Variants in CDK14 observed in about 807,000 individuals in gnomAD.
CDK14 encodes the protein cyclin dependent kinase 14, also known as cyclin-dependent kinase 14.
A neutral mutation model predicts 60.7 loss-of-function variants in CDK14; 34 were observed. The ratio of observed to expected loss-of-function variants is 0.56; its 90% CI spans 0.43 to 0.75. CDK14 has a LOEUF of 0.75. CDK14 is among the 30% of genes least tolerant of loss of function. The pLI is 0.00. For missense variants in CDK14, 482 were observed against 564.1 expected, an observed-to-expected ratio of 0.85 and a Z score of 1.47; for synonymous variants, 197 against 203.7, an observed-to-expected ratio of 0.97 and a Z score of 0.28.
chr7:90,633,621 T>C (rs984878826), intron 2 of CDK14, among the ~76,000 whole-genome samples: 6 of 152,336 alleles, frequency 3.9e-5, no homozygotes, highest in African/African-American at 1.4e-4. Context: ...AGCTGTTCAG[T>C]GTTCCTTGAG....
At chr7:90,785,282 A>G (rs544669074) in intron 4 of CDK14, among the ~76,000 whole-genome samples, 18 of 152,212 alleles carry the variant, frequency 1.2e-4, no homozygotes, top group Non-Finnish European at 2.4e-4. Flanking sequence ...GACACAGATA[A>G]TATTTGTAAT....
At chr7:91,105,026 TCTA>T (rs1403242844) in intron 12 of CDK14, among the ~76,000 whole-genome samples, 5 of 152,310 alleles carry the variant, frequency 3.3e-5, no homozygotes, top group Admixed American at 6.5e-5. Flanking sequence ...AAATATCTCT[TCTA>T]CTACTCCTAG....
At chr7:91,138,407 G>T (rs1053413932) in intron 14 of CDK14, among the ~76,000 whole-genome samples, 2 of 152,110 alleles carry the variant, frequency 1.3e-5, no homozygotes, top group African/African-American at 4.8e-5. Flanking sequence ...GGTGAAAAGG[G>T]ACACACACCT....
intron 14 of CDK14, among the ~76,000 whole-genome samples, chr7:91,187,550 T>C (rs1434046724): frequency 1.3e-5 from 2 of 152,212 alleles, no homozygotes; most frequent in Non-Finnish European, 2.9e-5. Context: ...CATCGTTGTC[T>C]AGGGTAAATA....
At chr7:91,182,300 A>G (rs1016394806) in intron 14 of CDK14, among the ~76,000 whole-genome samples, 1 of 152,122 alleles carries the variant, frequency 6.6e-6, no homozygotes, top group African/African-American at 2.4e-5. Context: ...GTATAGTACC[A>G]TAGTCAAATT....
intron 12 of CDK14, among the ~76,000 whole-genome samples, chr7:91,112,208 A>T (rs931941880): frequency 1.3e-5 from 2 of 152,152 alleles, no homozygotes; most frequent in African/African-American, 4.8e-5. Flanking sequence ...TATAGTACAT[A>T]GATTCTATTA....
At chr7:90,926,240 C>T (rs1345892616) in intron 8 of CDK14, among the ~76,000 whole-genome samples, 1 of 152,070 alleles carries the variant, frequency 6.6e-6, no homozygotes, top group Admixed American at 6.5e-5. Context: ...ACCTGTGTCA[C>T]CTGATCACTG....
intron 2 of CDK14, among the ~76,000 whole-genome samples, chr7:90,625,890 C>G (rs1393937013): frequency 6.6e-6 from 1 of 152,216 alleles, no homozygotes; most frequent in African/African-American, 2.4e-5. Context: ...CACCATTTTC[C>G]ATTATTGGAG....
At chr7:90,873,563 G>A (rs1791447856) in intron 6 of CDK14, among the ~76,000 whole-genome samples, 1 of 152,068 alleles carries the variant, frequency 6.6e-6, no homozygotes, top group East Asian at 1.9e-4. Context: ...TTTGGTAAAG[G>A]AATATTAGGC....
At chr7:90,852,769 A>T (rs974687777) in intron 5 of CDK14, among the ~76,000 whole-genome samples, 13 of 152,190 alleles carry the variant, frequency 8.5e-5, no homozygotes, top group Admixed American at 5.2e-4. Context: ...GAGCTCGCTC[A>T]GGGCTGAGGT....
At chr7:90,627,687 A>C (rs1799906009) in intron 2 of CDK14, among the ~76,000 whole-genome samples, 1 of 152,086 alleles carries the variant, frequency 6.6e-6, no homozygotes, top group Non-Finnish European at 1.5e-5. Flanking sequence ...TAATTGTGGG[A>C]TTAATGATCT....
At chr7:91,035,018 C>A (rs1204987807) in intron 10 of CDK14, among the ~76,000 whole-genome samples, 1 of 151,192 alleles carries the variant, frequency 6.6e-6, no homozygotes, top group Non-Finnish European at 1.5e-5. Flanking sequence ...ATTCTGTTAG[C>A]CATGTGATTG....
chr7:91,002,526 T>C (rs1024616414), intron 10 of CDK14, among the ~76,000 whole-genome samples: 1 of 152,250 alleles, frequency 6.6e-6, no homozygotes, highest in African/African-American at 2.4e-5. Flanking sequence ...TAGTATGAAC[T>C]GCCTTTTACT....
At position 90,726,640 on chromosome 7, in the gene CDK14, C is replaced by T; in HGVS notation, c.197C>T (p.Pro66Leu). The part of the protein sequence containing the change: ...DSVIKPLDTI[P>L]EDKKVRVQRT... ...GTGATCAAACCCCTGGACACAATTCCTGAGGATAAAAAAGTCAGAGTTCAG... is the reference window on the plus strand; with the variant it reads ...GTGATCAAACCCCTGGACACAATTCTTGAGGATAAAAAAGTCAGAGTTCAG... Residue 66 changes from proline (P) to leucine (L), a missense_variant, in exon 3 of 15, where the codon CCT becomes CTT. Physicochemically the swap from Pro to Leu is moderately conservative, Grantham distance 98. Coordinates refer to ENST00000380050, the MANE Select transcript of CDK14 (RefSeq NM_001287135.2). 1 of 1,613,776 alleles carries T rather than the reference C, an allele frequency of 6.2e-7. No homozygotes were observed. The highest frequency in any genetic ancestry group is 8.5e-7 in the Non-Finnish European group (1 of 1,179,818).
chr7:90,635,615 G>T (rs899695792), intron 2 of CDK14, among the ~76,000 whole-genome samples: 1 of 151,966 alleles, frequency 6.6e-6, no homozygotes, highest in Non-Finnish European at 1.5e-5. Flanking sequence ...TTGGCAATGC[G>T]GGCTCTTTTT....
intron 6 of CDK14, among the ~76,000 whole-genome samples, chr7:90,874,754 TC>T (rs1476742868): frequency 1.3e-5 from 2 of 151,034 alleles, no homozygotes; most frequent in African/African-American, 4.9e-5. Flanking sequence ...GGTCTCGATC[TC>T]CTGACCTCAT....
At chr7:90,648,742 G>C (rs1800523017) in intron 2 of CDK14, among the ~76,000 whole-genome samples, 1 of 152,068 alleles carries the variant, frequency 6.6e-6, no homozygotes, top group African/African-American at 2.4e-5. Flanking sequence ...GTTGGATTTG[G>C]GCAGTGTTTT....
At chr7:91,127,384 C>T (rs1366442830) in intron 14 of CDK14, among the ~76,000 whole-genome samples, 5 of 152,114 alleles carry the variant, frequency 3.3e-5, no homozygotes, top group African/African-American at 4.8e-5. Context: ...TCGACAGAAG[C>T]GGATAGAGAT....
At chr7:90,677,835 T>C (rs1198311343) in intron 2 of CDK14, among the ~76,000 whole-genome samples, 1 of 152,222 alleles carries the variant, frequency 6.6e-6, no homozygotes. Flanking sequence ...GAGCAAGTGT[T>C]ACAATTGTCA....
Sources: gnomAD v4.1 joint callset for allele counts (sites outside exome capture counted in the v4.1 genomes callset) on GRCh38, gnomAD v4.1.1 for gene constraint, MANE v1.5 for transcripts, NCBI Gene and HGNC (gene_info 2026-07-23, HGNC 2026-07-21) for gene names.